SAMD3: variants seen among roughly 807,000 people sequenced by gnomAD.
The protein encoded by SAMD3 is sterile alpha motif domain containing 3.
In SAMD3, 63 loss-of-function variants were observed where a neutral mutation model predicts 58.5. The ratio of observed to expected loss-of-function variants is 1.08; its 90% CI spans 0.88 to 1.33. The LOEUF is 1.33. Among genes scored for constraint, SAMD3 ranks in the 40% most tolerant of loss-of-function variants. SAMD3 has a pLI of 0.00. For synonymous variants in SAMD3, 220 were observed against 210.3 expected, an observed-to-expected ratio of 1.05 and a Z score of -0.40; for missense variants, 604 against 608.4, an observed-to-expected ratio of 0.99 and a Z score of 0.08.
chr6:130,307,018 G>C (rs564308875), intron 2 of SAMD3, among the ~76,000 whole-genome samples: 2 of 152,250 alleles, frequency 1.3e-5, no homozygotes, highest in East Asian at 3.9e-4. Context: ...CATTCTCTCT[G>C]TTTCCTAGCC....
chr6:130,266,809 C>CCT (rs1562489187), intron 2 of SAMD3, among the ~76,000 whole-genome samples: 4 of 151,748 alleles, frequency 2.6e-5, no homozygotes, highest in African/African-American at 7.3e-5. Context: ...ATGCTTCTTG[C>CCT]GAAAAGCGAA....
At chr6:130,256,477 A>G (rs948443493) in intron 2 of SAMD3, among the ~76,000 whole-genome samples, 5 of 152,210 alleles carry the variant, frequency 3.3e-5, no homozygotes, top group African/African-American at 1.2e-4. Flanking sequence ...CATAACCATT[A>G]TCATTCTTTG....
chr6:130,175,224 G>T (rs1791610246), intron 8 of SAMD3, among the ~76,000 whole-genome samples: 1 of 152,128 alleles, frequency 6.6e-6, no homozygotes, highest in Non-Finnish European at 1.5e-5. Context: ...AGGAATTTCG[G>T]TGCTCTGAGG....
chr6:130,221,453 A>G (rs1288604829), intron 1 of SAMD3: 1 of 152,338 alleles, frequency 6.6e-6, no homozygotes, highest in Admixed American at 6.5e-5. Context: ...ACTTTTGACT[A>G]CCCCCAAACT....
chr6:130,362,943 A>C (rs1263314717), intron 1 of SAMD3, among the ~76,000 whole-genome samples: 1 of 152,132 alleles, frequency 6.6e-6, no homozygotes, highest in Non-Finnish European at 1.5e-5. Flanking sequence ...AATGACCTTA[A>C]AATTTTATTT....
At chr6:130,312,443 T>G (rs1462334470) in intron 2 of SAMD3, among the ~76,000 whole-genome samples, 1 of 152,222 alleles carries the variant, frequency 6.6e-6, no homozygotes, top group Non-Finnish European at 1.5e-5. Context: ...TCCCTTACCC[T>G]TAGAGTCCTC....
chr6:130,248,776 T>TA (rs1773642806), intron 2 of SAMD3, among the ~76,000 whole-genome samples: 1 of 152,128 alleles, frequency 6.6e-6, no homozygotes, highest in African/African-American at 2.4e-5. Flanking sequence ...AGAGAAGGTT[T>TA]CAAGAAAGGA....
chr6:130,193,618 C>T (rs1471362415), intron 5 of SAMD3, among the ~76,000 whole-genome samples: 3 of 152,274 alleles, frequency 2.0e-5, no homozygotes, highest in African/African-American at 2.4e-5. Context: ...ATTCCTCCAA[C>T]TCCCTTAGCC....
chr6:130,195,540 T>G (rs1794019529), intron 5 of SAMD3, among the ~76,000 whole-genome samples: 1 of 152,176 alleles, frequency 6.6e-6, no homozygotes, highest in South Asian at 2.1e-4. Flanking sequence ...TATACTCTCC[T>G]ATCCTCAATA....
intron 2 of SAMD3, among the ~76,000 whole-genome samples, chr6:130,287,199 T>C (rs1290430415): frequency 6.6e-6 from 1 of 152,232 alleles, no homozygotes; most frequent in Non-Finnish European, 1.5e-5. Context: ...CCTAGAAATC[T>C]TCCAAACAAT....
At chr6:130,269,218 C>A (rs1290933130) in intron 2 of SAMD3, among the ~76,000 whole-genome samples, 1 of 152,144 alleles carries the variant, frequency 6.6e-6, no homozygotes, top group Non-Finnish European at 1.5e-5. Flanking sequence ...AAAGGCTTTC[C>A]TTTCTCCATT....
At chr6:130,257,214 G>C (rs1474699510) in intron 2 of SAMD3, among the ~76,000 whole-genome samples, 1 of 115,762 alleles carries the variant, frequency 8.6e-6, no homozygotes, top group Non-Finnish European at 1.6e-5. Context: ...CTGCAAGACA[G>C]AAAGAAGGCC....
intron 2 of SAMD3, among the ~76,000 whole-genome samples, chr6:130,260,035 A>C (rs1774068151): frequency 6.6e-6 from 1 of 152,230 alleles, no homozygotes; most frequent in Admixed American, 6.5e-5. Flanking sequence ...AGTCTTTTGA[A>C]CTATTGAGTT....
chr6:130,291,556 C>G (rs1374819887), intron 2 of SAMD3, among the ~76,000 whole-genome samples: 1 of 152,196 alleles, frequency 6.6e-6, no homozygotes, highest in Non-Finnish European at 1.5e-5. Flanking sequence ...TTATTAATAT[C>G]ATGTGAAGTT....
rs535700887 is a variant in SAMD3 at position 130,241,353 on chromosome 6, C to T, written c.-187-18540G>A. On this transcript the variant is annotated intron_variant, in intron 2 of 13. Transcript: ENST00000368134. Reference sequence around the variant, plus strand: ...GCTTCAGCCTCCCAAGGAGCTGGGACTACAGGTGTGTGCCACCACGCCCAG... The same window carrying T: ...GCTTCAGCCTCCCAAGGAGCTGGGATTACAGGTGTGTGCCACCACGCCCAG... Among the ~76,000 whole-genome samples the T allele has an allele frequency of 2.0e-3, 300 of 151,894 alleles. 1 individual carries two copies. Among genetic ancestry groups the T allele is most frequent in the African/African-American group, 6.8e-3 (283 of 41,428 alleles).
chr6:130,306,721 G>A (rs975896355), intron 2 of SAMD3, among the ~76,000 whole-genome samples: 3 of 152,196 alleles, frequency 2.0e-5, no homozygotes, highest in Admixed American at 6.5e-5. Context: ...GTATGGAGTA[G>A]AGAGAAAACA....
At chr6:130,256,645 A>G (rs1773936137) in intron 2 of SAMD3, among the ~76,000 whole-genome samples, 1 of 152,162 alleles carries the variant, frequency 6.6e-6, no homozygotes, top group African/African-American at 2.4e-5. Flanking sequence ...TGCTTTGTCA[A>G]TATGCAGTCC....
At chr6:130,360,719 T>C (rs888918546) in intron 1 of SAMD3, among the ~76,000 whole-genome samples, 29 of 152,296 alleles carry the variant, frequency 1.9e-4, no homozygotes, top group Admixed American at 4.6e-4. Flanking sequence ...GGCGTGAATT[T>C]CCTCTTCCTA....
At chr6:130,252,915 G>A (rs1054862659) in intron 2 of SAMD3, among the ~76,000 whole-genome samples, 1 of 152,140 alleles carries the variant, frequency 6.6e-6, no homozygotes, top group African/African-American at 2.4e-5. Flanking sequence ...GTTTTAAGAC[G>A]ATGACATTGG....
Sources: allele counts gnomAD v4.1 joint callset (sites outside exome capture counted in the v4.1 genomes callset), GRCh38; gene constraint gnomAD v4.1.1; transcripts MANE v1.5; gene names NCBI Gene and HGNC (gene_info 2026-07-23, HGNC 2026-07-21).